The following ARHGAP26 variants were observed in gnomAD, a reference collection of about 807,000 sequenced individuals.
ARHGAP26 encodes Rho GTPase activating protein 26.
ARHGAP26 carries 38 observed loss-of-function variants against 104.8 expected under a neutral mutation model. That is an observed-to-expected ratio of 0.36 (90% CI 0.28 to 0.48). The LOEUF (loss-of-function observed/expected upper bound fraction) is 0.48. Among genes scored for constraint, ARHGAP26 ranks in the 20% least tolerant of loss-of-function variants. The probability of loss-of-function intolerance (pLI) is 0.99; values close to 1 mark genes in which losing one functional copy is unlikely to be tolerated. For missense variants in ARHGAP26, 704 were observed against 947.9 expected (o/e 0.74, Z 3.38); for synonymous variants, 341 against 340.0 (o/e 1.00, Z -0.03).
chr5:143,099,107 C>T (rs1206321949), intron 17 of ARHGAP26, among the ~76,000 whole-genome samples: 1 of 152,174 alleles, frequency 6.6e-6, no homozygotes, highest in East Asian at 1.9e-4. Flanking sequence ...ATCTTTTCTG[C>T]TGGACAGAAG....
chr5:143,079,622 G>A (rs1789526608), intron 17 of ARHGAP26, among the ~76,000 whole-genome samples: 1 of 152,182 alleles, frequency 6.6e-6, no homozygotes, highest in South Asian at 2.1e-4. Flanking sequence ...AAACGAACAT[G>A]TTTTTAAATA....
In ARHGAP26 at chr5:142,929,282, C is replaced by T. The variant is rs185582634; in HGVS notation, c.1029-2765C>T. ...TCTTCTCTGTCTCCCCTGCCCTGCCCATTTTTTGCTATGAAGAACCACATG... is the reference window on the plus strand; with the variant it reads ...TCTTCTCTGTCTCCCCTGCCCTGCCTATTTTTTGCTATGAAGAACCACATG... On this transcript the variant is annotated intron_variant, in intron 10 of 22. Transcript: ENST00000645722. Among the ~76,000 whole-genome samples, 311 of 152,228 alleles carry T rather than the reference C, an allele frequency of 2.0e-3. 1 individual carries two copies. Among genetic ancestry groups the T allele is most frequent in the Non-Finnish European group, 2.6e-3 (175 of 68,016 alleles).
At chr5:143,097,066 C>T (rs754868026) in intron 17 of ARHGAP26, among the ~76,000 whole-genome samples, 8 of 152,102 alleles carry the variant, frequency 5.3e-5, no homozygotes, top group South Asian at 2.1e-4. Context: ...AGACCATGCG[C>T]GGTGGCTCAT....
At chr5:143,043,938 A>C (rs1001485719) in intron 14 of ARHGAP26, among the ~76,000 whole-genome samples, 1 of 152,222 alleles carries the variant, frequency 6.6e-6, no homozygotes, top group African/African-American at 2.4e-5. Context: ...TGGCTACAGC[A>C]AAGGGTATTG....
rs1012565068 is a variant in ARHGAP26 at position 143,070,903 on chromosome 5, C to T, written c.1538+13156C>T. On this transcript the variant is annotated intron_variant, in intron 17 of 22. Coordinates refer to ENST00000645722, the MANE Select transcript of ARHGAP26 (RefSeq NM_001135608.3). ...CTCCAGCCTGGGTGACAGATCTTGA[C>T]ACTATCGCAGAAAAAAAAACAACAA... Among the ~76,000 whole-genome samples, 3 of 151,908 alleles carry T rather than the reference C, an allele frequency of 2.0e-5. No individual in the cohort carries two copies. In the South Asian group the frequency reaches 6.2e-4, roughly 32 times the overall value.
intron 13 of ARHGAP26, among the ~76,000 whole-genome samples, chr5:143,038,155 C>T (rs1782921873): frequency 6.6e-6 from 1 of 152,212 alleles, no homozygotes; most frequent in African/African-American, 2.4e-5. Flanking sequence ...CTTATTTACT[C>T]ACAGCCTCTC....
chr5:143,027,215 A>C (rs1189994653), intron 12 of ARHGAP26, among the ~76,000 whole-genome samples: 8 of 149,626 alleles, frequency 5.3e-5, no homozygotes, highest in African/African-American at 1.7e-4. Context: ...CCTGTCACCC[A>C]GGCTAGAATG....
rs538059152 is a variant in ARHGAP26 at position 143,086,989 on chromosome 5, G to A, written c.1538+29242G>A. On this transcript the variant is annotated intron_variant, in intron 17 of 22. Coordinates refer to ENST00000645722, the MANE Select transcript of ARHGAP26 (RefSeq NM_001135608.3). Reference sequence around the variant, plus strand: ...CAGCTCCCGCAATTCAGTCTGCTGAGTTTTACGAGCTTGCTAGATCATGTT... The same window carrying A: ...CAGCTCCCGCAATTCAGTCTGCTGAATTTTACGAGCTTGCTAGATCATGTT... 2.6e-5 allele frequency among the ~76,000 whole-genome samples: 4 copies of A among 152,328 alleles called. No individual in the cohort carries two copies. In the South Asian group the frequency reaches 8.3e-4, roughly 32 times the overall value.
intron 1 of ARHGAP26, among the ~76,000 whole-genome samples, chr5:142,843,383 A>G (rs1268078867): frequency 6.6e-6 from 1 of 152,252 alleles, no homozygotes; most frequent in African/African-American, 2.4e-5. Flanking sequence ...CAACTAATGT[A>G]GGGTTCATCC....
chr5:142,834,422 AAATTAAATTC>A (rs1228204118), intron 1 of ARHGAP26, among the ~76,000 whole-genome samples: 1 of 152,276 alleles, frequency 6.6e-6, no homozygotes, highest in Non-Finnish European at 1.5e-5. Flanking sequence ...CTTATTTTAA[AAATTAAATTC>A]AAAAGCCCTA....
intron 18 of ARHGAP26, among the ~76,000 whole-genome samples, chr5:143,124,137 G>A (rs1003632147): frequency 1.3e-5 from 2 of 152,206 alleles, no homozygotes; most frequent in Non-Finnish European, 2.9e-5. Flanking sequence ...CAGGGCTAAA[G>A]TATATACCCC....
intron 1 of ARHGAP26, among the ~76,000 whole-genome samples, chr5:142,847,155 T>C (rs553243903): frequency 3.7e-4 from 57 of 152,302 alleles, no homozygotes; most frequent in African/African-American, 1.3e-3. Context: ...GCCTGTCTCA[T>C]GGGATTTTGA....
chr5:143,208,186 G>GA (rs3836769), intron 21 of ARHGAP26, among the ~76,000 whole-genome samples: 6,589 of 150,736 alleles, frequency 0.044, 480 homozygotes, highest in African/African-American at 0.15. Context: ...TGCTCTTTGG[G>GA]AAAAAAAAAG....
At chr5:143,171,988 T>C (rs182357895) in intron 20 of ARHGAP26, among the ~76,000 whole-genome samples, 40 of 152,342 alleles carry the variant, frequency 2.6e-4, no homozygotes, top group African/African-American at 3.8e-4. Flanking sequence ...CTGGTTTCAA[T>C]AGATTTATTA....
At chr5:142,947,095 T>TAAAAAAAAAAAAAAA (rs1162871899) in intron 11 of ARHGAP26, 1 of 70,670 alleles carries the variant, frequency 1.4e-5, no homozygotes, top group African/African-American at 5.0e-5. Context: ...TTTTTAAAAG[T>TAAAAAAAAAAAAAAA]AAAAAAAAAA....
In ARHGAP26 at chr5:143,084,556, T is replaced by C. The variant is rs368343158; in HGVS notation, c.1538+26809T>C. Among the ~76,000 whole-genome samples, 15 of 152,314 alleles carry C rather than the reference T, an allele frequency of 9.8e-5. No individual in the cohort carries two copies. The East Asian group carries it at 2.1e-3, about 22-fold the overall frequency. On this transcript the variant is annotated intron_variant, in intron 17 of 22. Transcript: ENST00000645722. ...AACCAAAAGGGAGCCCTGCCCTTTT[T>C]ACTGCCCTACTTACAGGGAACTCTG...
At chr5:142,999,523 A>G (rs17099783) in intron 11 of ARHGAP26, among the ~76,000 whole-genome samples, 6,493 of 152,232 alleles carry the variant, frequency 0.043, 272 homozygotes, top group African/African-American at 0.1. Flanking sequence ...TTTCAAATCT[A>G]GGTTATGACT....
intron 11 of ARHGAP26, among the ~76,000 whole-genome samples, chr5:143,012,366 G>A (rs1195753560): frequency 6.6e-6 from 1 of 150,434 alleles, no homozygotes; most frequent in Non-Finnish European, 1.5e-5. Context: ...CAAAGCAGCT[G>A]AAGGGCCAAG....
At chr5:142,837,580 G>T (rs942390630) in intron 1 of ARHGAP26, among the ~76,000 whole-genome samples, 1 of 152,152 alleles carries the variant, frequency 6.6e-6, no homozygotes, top group Admixed American at 6.5e-5. Flanking sequence ...CCCTGTACTT[G>T]CCCTTTGGTA....
Sources: allele counts gnomAD v4.1 joint callset (sites outside exome capture counted in the v4.1 genomes callset), GRCh38; gene constraint gnomAD v4.1.1; transcripts MANE v1.5; gene names NCBI Gene and HGNC (gene_info 2026-07-23, HGNC 2026-07-21).